SUPT3H: variants seen among roughly 807,000 people sequenced by gnomAD.
SUPT3H encodes SPT3 homolog, SAGA and STAGA complex component.
Under a neutral mutation model 44.3 loss-of-function variants are expected in SUPT3H, and 44 were observed. The ratio of observed to expected loss-of-function variants is 0.99; its 90% CI spans 0.78 to 1.28. The LOEUF (loss-of-function observed/expected upper bound fraction) is 1.28. Among genes scored for constraint, SUPT3H ranks in the 50% most tolerant of loss-of-function variants. The pLI, the probability that SUPT3H is intolerant of heterozygous loss-of-function variation, is 0.00. For synonymous variants in SUPT3H, 124 were observed against 125.6 expected, an observed-to-expected ratio of 0.99 and a Z score of 0.09; for missense variants, 380 against 387.1, an observed-to-expected ratio of 0.98 and a Z score of 0.15.
chr6:45,020,581 G>A lies in SUPT3H; in HGVS notation c.238C>T (p.Pro80Ser). 2.5e-6 allele frequency: 4 copies of A among 1,611,596 alleles called. No homozygotes were observed. Among genetic ancestry groups the A allele is most frequent in the Non-Finnish European group, 2.5e-6 (3 of 1,178,402 alleles). Reference protein sequence around the residue: ...SQLRGARVITPEDLLFLMRKD... With the variant: ...SQLRGARVITSEDLLFLMRKD... ...CGCATCAAAAACAGAAGATCTTCAGGAGTGATTACCCTTGCTCCCCGCAGC... is the reference window on the plus strand; with the variant it reads ...CGCATCAAAAACAGAAGATCTTCAGAAGTGATTACCCTTGCTCCCCGCAGC... Residue 80 changes from proline (P) to serine (S), a missense_variant, in exon 4 of 11, where the codon CCT becomes TCT. Physicochemically the swap from Pro to Ser is moderately conservative, Grantham distance 74. Transcript: ENST00000371459.
At chr6:44,884,920 C>T (rs528357053) in intron 10 of SUPT3H, among the ~76,000 whole-genome samples, 84 of 152,270 alleles carry the variant, frequency 5.5e-4, no homozygotes, top group Non-Finnish European at 9.3e-4. Context: ...CCTAATACTG[C>T]GCTTTTCCAA....
chr6:45,263,479 T>C (rs1345660734), intron 2 of SUPT3H, among the ~76,000 whole-genome samples: 1 of 152,132 alleles, frequency 6.6e-6, no homozygotes, highest in African/African-American at 2.4e-5. Flanking sequence ...TGGAAACTTC[T>C]AGAGGGTGGG....
chr6:45,367,773 C>G (rs946331036), intron 1 of SUPT3H, among the ~76,000 whole-genome samples: 5 of 152,118 alleles, frequency 3.3e-5, no homozygotes, highest in African/African-American at 1.2e-4. Context: ...CAATCTGCTC[C>G]TTTTTCATTT....
intron 2 of SUPT3H, among the ~76,000 whole-genome samples, chr6:45,198,362 T>C (rs1202522455): frequency 6.6e-6 from 1 of 151,384 alleles, no homozygotes; most frequent in Admixed American, 6.6e-5. Context: ...AGTTCTTAGA[T>C]GGAAATACTG....
At chr6:45,189,568 C>T (rs925497156) in intron 2 of SUPT3H, among the ~76,000 whole-genome samples, 6 of 152,218 alleles carry the variant, frequency 3.9e-5, no homozygotes, top group East Asian at 1.9e-4. Context: ...GAACTGTAAT[C>T]GTTATTTATT....
rs192707052 is a variant in SUPT3H at position 44,878,780 on chromosome 6, C to T, written c.913-48923G>A. Among the ~76,000 whole-genome samples the T allele has an allele frequency of 2.2e-3, 339 of 152,110 alleles. 1 individual carries two copies. The highest frequency in any genetic ancestry group is 7.8e-3 in the African/African-American group (323 of 41,486). On this transcript the variant is annotated intron_variant, in intron 10 of 10. Transcript: ENST00000371459. The stretch of plus-strand genomic sequence containing the variant: ...TGGGTGCAGCCCACGGAGGGCAAGC[C>T]GAAGCAGGGTGGGGCGTTCCCTCAC...
chr6:45,120,878 C>T (rs554459946), intron 2 of SUPT3H, among the ~76,000 whole-genome samples: 3 of 152,114 alleles, frequency 2.0e-5, no homozygotes, highest in Admixed American at 1.3e-4. Context: ...AATAATTGTA[C>T]TAAACAATGC....
intron 9 of SUPT3H, among the ~76,000 whole-genome samples, chr6:44,942,123 A>C (rs1463577769): frequency 6.6e-6 from 1 of 152,170 alleles, no homozygotes; most frequent in Non-Finnish European, 1.5e-5. Context: ...AAAACATAAA[A>C]AATTAATTTA....
At chr6:45,115,382 A>G (rs547034678) in intron 2 of SUPT3H, among the ~76,000 whole-genome samples, 6 of 152,338 alleles carry the variant, frequency 3.9e-5, no homozygotes, top group African/African-American at 1.4e-4. Flanking sequence ...AGTGTCCAGA[A>G]GAAAAAGTAT....
chr6:45,202,461 T>C (rs1378613898), intron 2 of SUPT3H, among the ~76,000 whole-genome samples: 1 of 152,036 alleles, frequency 6.6e-6, no homozygotes, highest in Non-Finnish European at 1.5e-5. Context: ...AAATTTAGGA[T>C]TACTTTTTAT....
intron 10 of SUPT3H, among the ~76,000 whole-genome samples, chr6:44,892,089 T>C (rs1248710596): frequency 6.6e-6 from 1 of 152,160 alleles, no homozygotes; most frequent in Non-Finnish European, 1.5e-5. Context: ...GTACAAACCA[T>C]CTGGAATGAA....
At chr6:44,921,934 G>C (rs1255827765) in intron 10 of SUPT3H, among the ~76,000 whole-genome samples, 1 of 152,216 alleles carries the variant, frequency 6.6e-6, no homozygotes, top group East Asian at 1.9e-4. Context: ...CTCAGAGCCT[G>C]ACACTGGGCT....
chr6:45,296,893 T>C, intron 2 of SUPT3H, among the ~76,000 whole-genome samples: 1 of 142,760 alleles, frequency 7.0e-6, no homozygotes, highest in African/African-American at 2.7e-5. Flanking sequence ...CACTGCACTC[T>C]GCATTCCAGC....
At chr6:44,817,216 C>T (rs573405501) in intron 11 of SUPT3H, among the ~76,000 whole-genome samples, 6 of 148,136 alleles carry the variant, frequency 4.1e-5, no homozygotes, top group Admixed American at 2.0e-4. Flanking sequence ...AATCAATCAA[C>T]GTAATCTATC....
At chr6:44,909,340 A>G (rs190176551) in intron 10 of SUPT3H, among the ~76,000 whole-genome samples, 37 of 152,234 alleles carry the variant, frequency 2.4e-4, no homozygotes, top group African/African-American at 8.7e-4. Flanking sequence ...TAGTTAATTA[A>G]TAACTCCCTC....
intron 2 of SUPT3H, among the ~76,000 whole-genome samples, chr6:45,355,409 A>C (rs182193023): frequency 1.4e-5 from 2 of 147,218 alleles, no homozygotes; most frequent in Admixed American, 1.4e-4. Context: ...ATAGAATAAA[A>C]TGTTGATATA....
chr6:44,936,797 A>C (rs939144854), intron 9 of SUPT3H, among the ~76,000 whole-genome samples: 1 of 152,134 alleles, frequency 6.6e-6, no homozygotes, highest in Non-Finnish European at 1.5e-5. Flanking sequence ...CCACCCAAAT[A>C]GCTGGGACTA....
At chr6:44,888,784 G>C (rs1216206399) in intron 10 of SUPT3H, among the ~76,000 whole-genome samples, 1 of 151,940 alleles carries the variant, frequency 6.6e-6, no homozygotes, top group Non-Finnish European at 1.5e-5. Flanking sequence ...GGCAGGAGAA[G>C]GAAATAAAGG....
At chr6:44,966,572 G>A (rs1347000176) in intron 6 of SUPT3H, among the ~76,000 whole-genome samples, 2 of 151,976 alleles carry the variant, frequency 1.3e-5, no homozygotes, top group Non-Finnish European at 2.9e-5. Flanking sequence ...GGCAAAACTA[G>A]AAGTAAAACT....
Sources: allele counts gnomAD v4.1 joint callset (sites outside exome capture counted in the v4.1 genomes callset), GRCh38; gene constraint gnomAD v4.1.1; transcripts MANE v1.5; gene names NCBI Gene and HGNC (gene_info 2026-07-23, HGNC 2026-07-21).